The following PTPRR variants were observed in gnomAD, a reference collection of about 807,000 sequenced individuals.
PTPRR encodes the protein receptor-type tyrosine-protein phosphatase R.
In PTPRR, 38 loss-of-function variants were observed where a neutral mutation model predicts 77.2. The ratio of observed to expected loss-of-function variants is 0.49; its 90% confidence interval spans 0.38 to 0.65. The LOEUF (loss-of-function observed/expected upper bound fraction) is 0.65. Among genes scored for constraint, PTPRR ranks in the 30% least tolerant of loss-of-function variants. PTPRR has a pLI of 0.00. For missense variants in PTPRR, 744 were observed against 799.2 expected (o/e 0.93, Z 0.83); for synonymous variants, 299 against 283.1 (o/e 1.06, Z -0.57).
intron 7 of PTPRR, 95 bp downstream of exon 7, chr12:70,701,042 C>G (rs1888402635): frequency 7.7e-7 from 1 of 1,304,396 alleles, no homozygotes; most frequent in African/African-American, 1.5e-5. Flanking sequence ...TTACTGTAGA[C>G]TGCTTAAGTA....
intron 2 of PTPRR, among the ~76,000 whole-genome samples, chr12:70,788,491 AAT>A (rs1891367845): frequency 6.6e-6 from 1 of 152,174 alleles, no homozygotes; most frequent in African/African-American, 2.4e-5. Flanking sequence ...TGCTCCACTC[AAT>A]GTCTTTTAAG....
In PTPRR at chr12:70,816,878, C is replaced by T. The variant is rs117909494; in HGVS notation, c.358-52100G>A. Among the ~76,000 whole-genome samples the T allele has an allele frequency of 2.0e-3, 297 of 152,054 alleles. 1 individual carries two copies. The highest frequency in any genetic ancestry group is 0.01 in the Middle Eastern group (3 of 294). Reference sequence around the variant, plus strand: ...CATCCAGAAATTGATGAAGATGATTCGATTTTAAGTGAATGATTATGGACA... The same window carrying T: ...CATCCAGAAATTGATGAAGATGATTTGATTTTAAGTGAATGATTATGGACA... On this transcript the variant is annotated intron_variant, in intron 2 of 13. Transcript: ENST00000283228.
At chr12:70,855,929 T>C (rs762469460) in intron 2 of PTPRR, among the ~76,000 whole-genome samples, 4 of 152,178 alleles carry the variant, frequency 2.6e-5, no homozygotes, top group Non-Finnish European at 5.9e-5. Context: ...TCTTCTGAAG[T>C]TGCTCCTAAT....
intron 2 of PTPRR, among the ~76,000 whole-genome samples, chr12:70,888,778 C>G (rs759629599): frequency 1.3e-5 from 2 of 151,992 alleles, no homozygotes; most frequent in Non-Finnish European, 2.9e-5. Context: ...AAGAATAAGC[C>G]TAGACATCTG....
intron 2 of PTPRR, among the ~76,000 whole-genome samples, chr12:70,764,986 A>T (rs1192815121): frequency 6.6e-6 from 1 of 152,210 alleles, no homozygotes; most frequent in Non-Finnish European, 1.5e-5. Flanking sequence ...TGCATGTGAA[A>T]TTTTAAATGG....
At chr12:70,650,750 A>G (rs535965043) in intron 13 of PTPRR, among the ~76,000 whole-genome samples, 159 of 152,348 alleles carry the variant, frequency 1.0e-3, no homozygotes, top group Middle Eastern at 3.4e-3. Flanking sequence ...CCTGTTCCAC[A>G]GAACACAGGA....
chr12:70,852,767 G>A (rs1381474289), intron 2 of PTPRR, among the ~76,000 whole-genome samples: 1 of 151,990 alleles, frequency 6.6e-6, no homozygotes, highest in East Asian at 1.9e-4. Flanking sequence ...TACTTTTTTT[G>A]GACTTCTACA....
intron 2 of PTPRR, among the ~76,000 whole-genome samples, chr12:70,815,290 A>G (rs1473289752): frequency 1.3e-5 from 2 of 152,164 alleles, no homozygotes; most frequent in African/African-American, 2.4e-5. Context: ...AAAATGAAAC[A>G]GAAAAAAGAT....
chr12:70,888,573 T>C (rs979139507), intron 2 of PTPRR, among the ~76,000 whole-genome samples: 1 of 152,202 alleles, frequency 6.6e-6, no homozygotes, highest in African/African-American at 2.4e-5. Flanking sequence ...TCTGGGACTA[T>C]ATGGAAGCAC....
rs990220042 is a variant in PTPRR, at chr12:70,754,431, C to A, written c.628-130G>T. ...TGCAACACACCTACACCCCCCGCTG[C>A]CAGAGCTGCTTCTCAAACTGATCTA... On this transcript the variant is annotated intron_variant, in intron 4 of 13. Coordinates refer to ENST00000283228, the MANE Select transcript of PTPRR (RefSeq NM_002849.4). The A allele has an allele frequency of 3.5e-4, 549 of 1,564,506 alleles. 1 individual carries two copies. Among genetic ancestry groups the A allele is most frequent in the Admixed American group, 4.2e-4 (21 of 49,480 alleles).
At chr12:70,903,870 T>C (rs1893580256) in intron 1 of PTPRR, among the ~76,000 whole-genome samples, 1 of 151,758 alleles carries the variant, frequency 6.6e-6, no homozygotes, top group South Asian at 2.1e-4. Flanking sequence ...TATAAAGAAC[T>C]CTCAAAACTC....
At chr12:70,869,523 T>G (rs1389297325) in intron 2 of PTPRR, among the ~76,000 whole-genome samples, 10 of 152,234 alleles carry the variant, frequency 6.6e-5, no homozygotes, top group Non-Finnish European at 8.8e-5. Context: ...GTCTGTGTTT[T>G]AATTCTTGGG....
intron 1 of PTPRR, among the ~76,000 whole-genome samples, chr12:70,909,514 C>G (rs1277876416): frequency 6.6e-6 from 1 of 152,176 alleles, no homozygotes; most frequent in Non-Finnish European, 1.5e-5. Context: ...AAAAAAGGTA[C>G]ACCTGTAACT....
intron 2 of PTPRR, among the ~76,000 whole-genome samples, chr12:70,878,065 C>G (rs372967743): frequency 7.0e-4 from 107 of 152,086 alleles, no homozygotes; most frequent in Non-Finnish European, 1.2e-3. Flanking sequence ...AGCTGAAACT[C>G]GATCCCTTCC....
intron 2 of PTPRR, among the ~76,000 whole-genome samples, chr12:70,868,872 A>G (rs1282106485): frequency 6.6e-6 from 1 of 152,024 alleles, no homozygotes; most frequent in Non-Finnish European, 1.5e-5. Flanking sequence ...TGATGAGTTC[A>G]TGTCCTTTGT....
intron 13 of PTPRR, among the ~76,000 whole-genome samples, chr12:70,654,460 A>C (rs965972823): frequency 1.3e-5 from 2 of 152,134 alleles, no homozygotes; most frequent in Non-Finnish European, 2.9e-5. Context: ...TTGTACTCCC[A>C]GGAGGTCAAG....
At chr12:70,692,298 A>G (rs75974145) in intron 8 of PTPRR, among the ~76,000 whole-genome samples, 13,304 of 152,266 alleles carry the variant, frequency 0.087, 908 homozygotes, top group African/African-American at 0.19. Flanking sequence ...AGCAGCCCTG[A>G]TCAATAGAAT....
intron 2 of PTPRR, among the ~76,000 whole-genome samples, chr12:70,887,301 A>G (rs1358979825): frequency 6.6e-6 from 1 of 151,964 alleles, no homozygotes; most frequent in African/African-American, 2.4e-5. Flanking sequence ...AATACAAAAA[A>G]TTTAGCTGGG....
At chr12:70,662,754 T>C in intron 10 of PTPRR, 149 bp from the exon 11 acceptor site, 1 of 524,518 alleles carries the variant, frequency 1.9e-6, no homozygotes, top group South Asian at 3.0e-5. Flanking sequence ...ACTAAAACCA[T>C]TGAATTGTAA....
Sources: gnomAD v4.1 joint callset for allele counts (sites outside exome capture counted in the v4.1 genomes callset) on GRCh38, gnomAD v4.1.1 for gene constraint, MANE v1.5 for transcripts, NCBI Gene and HGNC (gene_info 2026-07-23, HGNC 2026-07-21) for gene names.